The following TENM3 variants were observed in gnomAD, a reference collection of about 807,000 sequenced individuals.
The protein encoded by TENM3 is teneurin-3.
TENM3 carries 63 observed loss-of-function variants against 255.1 expected under a neutral mutation model. That is an observed-to-expected ratio of 0.25 (90% CI 0.20 to 0.30). The LOEUF is 0.30. TENM3 is among the 10% of genes least tolerant of loss of function. The probability of loss-of-function intolerance (pLI) is 1.00; values close to 1 mark genes in which losing one functional copy is unlikely to be tolerated. For synonymous variants in TENM3, 1,306 were observed against 1,322.3 expected (o/e 0.99, Z 0.27); for missense variants, 2,929 against 3,461.1 (o/e 0.85, Z 3.86).
chr4:182,200,726 A>T (rs537564831), intron 1 of TENM3, among the ~76,000 whole-genome samples: 1 of 152,148 alleles, frequency 6.6e-6, no homozygotes, highest in Non-Finnish European at 1.5e-5. Context: ...TGTTCCTTTC[A>T]GTATCCTGAA....
At chr4:182,533,715 A>C (rs1580853864) in intron 3 of TENM3, among the ~76,000 whole-genome samples, 1 of 152,004 alleles carries the variant, frequency 6.6e-6, no homozygotes, top group African/African-American at 2.4e-5. Context: ...GGAGTTCGAG[A>C]CCAGCCTGGC....
chr4:181,688,491 T>G, the TENM3 span, among the ~76,000 whole-genome samples: 3 of 136,654 alleles, frequency 2.2e-5, no homozygotes, highest in Admixed American at 1.8e-4. Flanking sequence ...TAGTCTGTGG[T>G]TAAAACATTT....
At chr4:181,489,141 G>A in the TENM3 span, among the ~76,000 whole-genome samples, 1 of 152,196 alleles carries the variant, frequency 6.6e-6, no homozygotes, top group Non-Finnish European at 1.5e-5. Flanking sequence ...TAAATGCCCA[G>A]TGTTTCTTCC....
At chr4:181,840,861 T>C in the TENM3 span, among the ~76,000 whole-genome samples, 2 of 152,294 alleles carry the variant, frequency 1.3e-5, no homozygotes, top group Admixed American at 1.3e-4. Context: ...CATAACTTAA[T>C]GTTTCAGTTA....
the TENM3 span, among the ~76,000 whole-genome samples, chr4:181,488,137 A>G: frequency 6.6e-6 from 1 of 152,196 alleles, no homozygotes; most frequent in Admixed American, 6.5e-5. Context: ...CTGAGCCTCT[A>G]CTTAACTTCT....
At chr4:181,897,427 A>C in the TENM3 span, among the ~76,000 whole-genome samples, 1 of 152,206 alleles carries the variant, frequency 6.6e-6, no homozygotes, top group Non-Finnish European at 1.5e-5. Flanking sequence ...CCAGGAATAC[A>C]TTTACAAGTG....
the TENM3 span, among the ~76,000 whole-genome samples, chr4:182,029,883 A>G: frequency 7.0e-6 from 1 of 143,752 alleles, no homozygotes; most frequent in African/African-American, 3.0e-5. Flanking sequence ...AATATCCAAC[A>G]ACTGCTAACA....
At chr4:182,346,995 C>CGA in intron 3 of TENM3, 66 bp downstream of exon 3, 4 of 845,776 alleles carry the variant, frequency 4.7e-6, no homozygotes, top group Non-Finnish European at 6.7e-6. Context: ...GTTGACTCCG[C>CGA]GGGGGGGGAT....
the TENM3 span, among the ~76,000 whole-genome samples, chr4:182,110,454 A>T: frequency 1.1e-4 from 16 of 151,924 alleles, no homozygotes; most frequent in African/African-American, 3.6e-4. Flanking sequence ...CCTCCCGAGT[A>T]GGTGGGACCA....
chr4:182,534,715 C>G (rs1580856565), intron 3 of TENM3, among the ~76,000 whole-genome samples: 3 of 152,330 alleles, frequency 2.0e-5, no homozygotes. Context: ...ATAGAATTCA[C>G]TTCTACAGAA....
chr4:181,888,079 G>A, the TENM3 span, among the ~76,000 whole-genome samples: 1 of 151,830 alleles, frequency 6.6e-6, no homozygotes, highest in Admixed American at 6.6e-5. Context: ...GCCCAGGCTG[G>A]AGTGCAGTGG....
the TENM3 span, among the ~76,000 whole-genome samples, chr4:182,082,817 C>T: frequency 2.0e-5 from 3 of 152,270 alleles, no homozygotes; most frequent in Non-Finnish European, 2.9e-5. Flanking sequence ...ATATGTAGTA[C>T]GCAATCCACT....
At chr4:182,424,533 T>C (rs1489687754) in intron 3 of TENM3, among the ~76,000 whole-genome samples, 1 of 152,072 alleles carries the variant, frequency 6.6e-6, no homozygotes, top group East Asian at 1.9e-4. Flanking sequence ...AAAATGTACA[T>C]GACCAAAAAT....
chr4:182,667,657 C>A (rs1754814536), intron 6 of TENM3, among the ~76,000 whole-genome samples: 1 of 152,132 alleles, frequency 6.6e-6, no homozygotes, highest in African/African-American at 2.4e-5. Flanking sequence ...AATAAAGCAT[C>A]ATTACATTTC....
intron 3 of TENM3, among the ~76,000 whole-genome samples, chr4:182,352,321 A>AATT (rs1388287732): frequency 8.5e-5 from 13 of 152,160 alleles, no homozygotes; most frequent in Non-Finnish European, 1.5e-4. Flanking sequence ...TGGTGCTGAT[A>AATT]ATTAGTCTGA....
At chr4:181,559,852 G>T in the TENM3 span, among the ~76,000 whole-genome samples, 1 of 152,140 alleles carries the variant, frequency 6.6e-6, no homozygotes, top group Non-Finnish European at 1.5e-5. Flanking sequence ...GAAACCACAC[G>T]CAGGAGACAT....
At chr4:182,117,738 C>T in the TENM3 span, among the ~76,000 whole-genome samples, 1 of 152,186 alleles carries the variant, frequency 6.6e-6, no homozygotes, top group Non-Finnish European at 1.5e-5. Flanking sequence ...CATCAGTCCT[C>T]TGACTTTGCT....
At chr4:182,497,787 A>G (rs1735917022) in intron 3 of TENM3, among the ~76,000 whole-genome samples, 3 of 149,834 alleles carry the variant, frequency 2.0e-5, no homozygotes, top group Non-Finnish European at 1.5e-5. Context: ...TTAAACATAG[A>G]TTATGTAGAC....
At chr4:181,739,432 T>C in the TENM3 span, among the ~76,000 whole-genome samples, 1,608 of 152,328 alleles carry the variant, frequency 0.011, 25 homozygotes, top group African/African-American at 0.036. Flanking sequence ...CTTGCTTTCA[T>C]ATATGACATA....
Sources: gnomAD v4.1 joint callset for allele counts (sites outside exome capture counted in the v4.1 genomes callset) on GRCh38, gnomAD v4.1.1 for gene constraint, MANE v1.5 for transcripts, NCBI Gene and HGNC (gene_info 2026-07-23, HGNC 2026-07-21) for gene names.